The following PLCG2 variants were observed in gnomAD, a reference collection of about 807,000 sequenced individuals.
PLCG2 encodes 1-phosphatidylinositol 4,5-bisphosphate phosphodiesterase gamma-2.
In PLCG2, 69 loss-of-function variants were observed where a neutral mutation model predicts 175.6. The observed-to-expected ratio is 0.39, with a 90% confidence interval of 0.32 to 0.48. The LOEUF is 0.48. PLCG2 is among the 20% of genes least tolerant of loss of function. The pLI is 0.91. For missense variants in PLCG2, 1,798 were observed against 1,650.9 expected, an observed-to-expected ratio of 1.09 and a Z score of -1.54; for synonymous variants, 827 against 624.0, an observed-to-expected ratio of 1.33 and a Z score of -4.85.
At chr16:81,791,109 A>C (rs1192377084) in intron 2 of PLCG2, among the ~76,000 whole-genome samples, 1 of 152,196 alleles carries the variant, frequency 6.6e-6, no homozygotes, top group African/African-American at 2.4e-5. Flanking sequence ...TAAACTCTGC[A>C]GAGAGAGGGA....
At chr16:81,912,786 G>A in intron 19 of PLCG2, 70 bp downstream of exon 19, 2 of 1,485,022 alleles carry the variant, frequency 1.3e-6, no homozygotes, top group Non-Finnish European at 1.8e-6. Flanking sequence ...AGAGACAAGG[G>A]GGAACTTCAG....
At chr16:81,760,567 G>A (rs1020809178) in intron 2 of PLCG2, among the ~76,000 whole-genome samples, 1 of 151,876 alleles carries the variant, frequency 6.6e-6, no homozygotes, top group Non-Finnish European at 1.5e-5. Flanking sequence ...TCAAACATAG[G>A]AGGTCAAATT....
At chr16:81,923,664 A>C in intron 22 of PLCG2, 70 bp downstream of exon 22, 1 of 916,300 alleles carries the variant, frequency 1.1e-6, no homozygotes, top group Non-Finnish European at 1.7e-6. Flanking sequence ...GATAAGACTC[A>C]GGTGCTGGCC....
chr16:81,834,256 G>A (rs1905397028), intron 2 of PLCG2, among the ~76,000 whole-genome samples: 1 of 152,172 alleles, frequency 6.6e-6, no homozygotes, highest in South Asian at 2.1e-4. Context: ...TGTTCAGTAA[G>A]GGGGACCTGG....
chr16:81,913,233 CAG>C (rs1909708339), intron 19 of PLCG2, among the ~76,000 whole-genome samples: 1 of 152,192 alleles, frequency 6.6e-6, no homozygotes. Context: ...AGGAGTGACT[CAG>C]ACTCCGTGTA....
intron 20 of PLCG2, among the ~76,000 whole-genome samples, chr16:81,920,253 G>A (rs954928812): frequency 9.2e-5 from 14 of 152,326 alleles, no homozygotes; most frequent in African/African-American, 3.4e-4. Flanking sequence ...GAGACCTGAT[G>A]TGGTTACTTT....
At chr16:81,946,731 C>T (rs770088239) in intron 31 of PLCG2, among the ~76,000 whole-genome samples, 1 of 152,198 alleles carries the variant, frequency 6.6e-6, no homozygotes, top group Non-Finnish European at 1.5e-5. Flanking sequence ...CGATCATGCA[C>T]AGCTTTAGGT....
At chr16:81,938,156 C>CCTAT (rs1910795185) in intron 28 of PLCG2, among the ~76,000 whole-genome samples, 1 of 152,074 alleles carries the variant, frequency 6.6e-6, no homozygotes, top group African/African-American at 2.4e-5. Context: ...GAGGTATGAC[C>CCTAT]CTATCTTTCT....
Position 81,919,493 on chromosome 16 carries a change from C to T in PLCG2, c.2064C>T (p.Gly688=). 2 of 1,613,626 alleles carry T rather than the reference C, an allele frequency of 1.2e-6. No homozygotes were observed. Among genetic ancestry groups the T allele is most frequent in the Non-Finnish European group, 1.7e-6 (2 of 1,179,714 alleles). ...GTTCTTCCTGCTCCAGGGCTAGGGG[C>T]AAGGTAAAGCATTGTCGCATCAACC... The part of the protein sequence containing the change: ...DSYAITFRAR[G]KVKHCRINRD... The change falls in exon 20 of 33, where the codon GGC becomes GGT. Residue 688 remains glycine, a synonymous_variant. Coordinates refer to ENST00000564138, the MANE Select transcript of PLCG2 (RefSeq NM_002661.5).
intron 26 of PLCG2, chr16:81,935,547 C>T: frequency 1.0e-6 from 1 of 985,260 alleles, no homozygotes; most frequent in Non-Finnish European, 1.2e-6. Flanking sequence ...AACAGAAGAC[C>T]AGCCAGACAA....
At chr16:81,854,744 T>G (rs1198232419) in intron 3 of PLCG2, among the ~76,000 whole-genome samples, 157 bp downstream of exon 3, 2 of 152,154 alleles carry the variant, frequency 1.3e-5, no homozygotes, top group East Asian at 1.9e-4. Flanking sequence ...GCTGTGTGTC[T>G]TTAGGTGAGT....
chr16:81,825,032 G>C (rs1165271035), intron 2 of PLCG2, among the ~76,000 whole-genome samples: 1 of 152,220 alleles, frequency 6.6e-6, no homozygotes, highest in Non-Finnish European at 1.5e-5. Flanking sequence ...GGCCTCTAGA[G>C]CTGGGAAAGG....
At chr16:81,945,825 A>T in intron 30 of PLCG2, among the ~76,000 whole-genome samples, 1 of 151,896 alleles carries the variant, frequency 6.6e-6, no homozygotes. Context: ...AGGATTCACT[A>T]CTCTTTTGGT....
At chr16:81,928,425 G>T in intron 23 of PLCG2, 133 bp from the exon 24 acceptor site, 1 of 658,850 alleles carries the variant, frequency 1.5e-6, no homozygotes, top group Non-Finnish European at 2.8e-6. Flanking sequence ...CCCCATGGAC[G>T]TATCTGGTAA....
Position 81,803,878 on chromosome 16 carries a change from C to G in PLCG2, c.193+17696C>G, listed in dbSNP as rs141239808. Among the ~76,000 whole-genome samples, 97 of 152,244 alleles carry G rather than the reference C, an allele frequency of 6.4e-4. 1 individual carries two copies. The highest frequency in any genetic ancestry group is 2.2e-3 in the African/African-American group (93 of 41,544). Reference sequence around the variant, plus strand: ...TGTATTTTTAATACAGACAGGGTTTCACTATGTTGGCCAAGCTAGTCTTGA... The same window carrying G: ...TGTATTTTTAATACAGACAGGGTTTGACTATGTTGGCCAAGCTAGTCTTGA... On this transcript the variant is annotated intron_variant, in intron 2 of 32. Transcript: ENST00000564138.
intron 25 of PLCG2, among the ~76,000 whole-genome samples, chr16:81,932,726 A>T (rs940429180): frequency 4.6e-5 from 7 of 152,090 alleles, no homozygotes; most frequent in Admixed American, 3.9e-4. Flanking sequence ...TGCAGAGGGG[A>T]CTGGTCCATG....
At chr16:81,908,649 G>C in intron 17 of PLCG2, 58 bp downstream of exon 17, 1 of 1,480,024 alleles carries the variant, frequency 6.8e-7, no homozygotes, top group African/African-American at 1.4e-5. Context: ...CGATGAGGCA[G>C]GGTGGCGAGT....
At chr16:81,827,190 G>GTTTTTTTTTTTTTTTTTT (rs368220809) in intron 2 of PLCG2, among the ~76,000 whole-genome samples, 25 of 144,086 alleles carry the variant, frequency 1.7e-4, no homozygotes, top group African/African-American at 5.4e-4. Flanking sequence ...GGATTGCTGG[G>GTTTTTTTTTTTTTTTTTT]TTTTTTTTTT....
chr16:81,877,282 G>A (rs753376141), intron 7 of PLCG2, among the ~76,000 whole-genome samples: 2 of 151,824 alleles, frequency 1.3e-5, no homozygotes, highest in South Asian at 2.1e-4. Flanking sequence ...GTGAAACCCT[G>A]TCTCTACTAA....
Sources: gnomAD v4.1 joint callset for allele counts (sites outside exome capture counted in the v4.1 genomes callset) on GRCh38, gnomAD v4.1.1 for gene constraint, MANE v1.5 for transcripts, NCBI Gene and HGNC (gene_info 2026-07-23, HGNC 2026-07-21) for gene names.